ADAMTSL1: variants seen among roughly 807,000 people sequenced by gnomAD.
The protein encoded by ADAMTSL1 is ADAMTS like 1.
A neutral mutation model predicts 201.8 loss-of-function variants in ADAMTSL1; 126 were observed. The observed-to-expected ratio is 0.62, with a 90% CI of 0.54 to 0.72. The LOEUF is 0.72. ADAMTSL1 is among the 30% of genes least tolerant of loss of function. The pLI is 0.00. For missense variants in ADAMTSL1, 2,679 were observed against 2,277.8 expected (o/e 1.18, Z -3.59); for synonymous variants, 1,121 against 903.4 (o/e 1.24, Z -4.32).
intron 3 of ADAMTSL1, among the ~76,000 whole-genome samples, chr9:18,535,778 TGAAG>T (rs1424482678): frequency 1.3e-5 from 2 of 152,102 alleles, no homozygotes; most frequent in Non-Finnish European, 2.9e-5. Context: ...GAGAACTGAG[TGAAG>T]GGAGAAGCCC....
intron 1 of ADAMTSL1, among the ~76,000 whole-genome samples, chr9:17,956,620 C>G (rs10963360): frequency 0.26 from 39,430 of 151,932 alleles, 5,463 homozygotes; most frequent in Middle Eastern, 0.36. Flanking sequence ...TGCTCTCTCT[C>G]TTTCTTTGGA....
intron 2 of ADAMTSL1, among the ~76,000 whole-genome samples, chr9:18,509,737 C>T (rs1446353713): frequency 1.3e-5 from 2 of 152,230 alleles, no homozygotes; most frequent in African/African-American, 4.8e-5. Context: ...ATTGGCCAAA[C>T]TAAGCCATCC....
intron 19 of ADAMTSL1, among the ~76,000 whole-genome samples, chr9:18,792,506 C>G (rs1822124666): frequency 6.6e-6 from 1 of 152,182 alleles, no homozygotes; most frequent in African/African-American, 2.4e-5. Context: ...GCCAGGGAGC[C>G]AGCTACCCTA....
chr9:18,310,369 C>CAAAAAAAAAAAAAAAAAAAAACAAA (rs1834087417), intron 2 of ADAMTSL1, among the ~76,000 whole-genome samples: 1 of 35,270 alleles, frequency 2.8e-5, no homozygotes. Flanking sequence ...TTCTGCATAG[C>CAAAAAAAAAAAAAAAAAAAAACAAA]AAAAAAAAAA....
intron 2 of ADAMTSL1, among the ~76,000 whole-genome samples, chr9:18,464,375 T>A (rs1820922066): frequency 1.3e-5 from 2 of 152,260 alleles, no homozygotes; most frequent in African/African-American, 4.8e-5. Context: ...AATGAAATTG[T>A]AGTATTGTTA....
chr9:18,478,711 G>A (rs964870524), intron 1 of ADAMTSL1, among the ~76,000 whole-genome samples: 1 of 152,076 alleles, frequency 6.6e-6, no homozygotes. Flanking sequence ...TGACCTCTTC[G>A]TAGCATAAGG....
intron 1 of ADAMTSL1, among the ~76,000 whole-genome samples, chr9:18,106,309 A>T (rs1337946306): frequency 6.6e-6 from 1 of 152,230 alleles, no homozygotes; most frequent in Non-Finnish European, 1.5e-5. Context: ...TTGCTGGCCC[A>T]TGCTGTTTTG....
rs762304852 is a variant in ADAMTSL1 at position 18,826,481 on chromosome 9, G to A, written c.4114+18G>A. 2 of 1,604,056 alleles carry A rather than the reference G, an allele frequency of 1.2e-6. No individual in the cohort carries two copies. The highest frequency in any genetic ancestry group is 2.2e-5 in the South Asian group (2 of 89,134). ...GATCCTAGGTAAACACTTCAAAGCT[G>A]GCTGCCTCTGCTGCACCCTGTTGGG... On this transcript the variant is annotated intron_variant, in intron 22 of 28. Coordinates refer to ENST00000380548, the MANE Select transcript of ADAMTSL1 (RefSeq NM_001040272.6).
chr9:18,473,974 C>G (rs1464025393), upstream of ADAMTSL1: 12 of 443,812 alleles, frequency 2.7e-5, no homozygotes, highest in East Asian at 2.1e-4. Context: ...TACACTTTCT[C>G]TGTCCTCCTG....
chr9:18,231,083 C>A (rs894390537), intron 2 of ADAMTSL1, among the ~76,000 whole-genome samples: 1 of 152,150 alleles, frequency 6.6e-6, no homozygotes, highest in Non-Finnish European at 1.5e-5. Context: ...ATACCTCAGA[C>A]CAGCTCTACC....
chr9:17,974,082 G>T (rs1818334156), intron 1 of ADAMTSL1, among the ~76,000 whole-genome samples: 1 of 151,958 alleles, frequency 6.6e-6, no homozygotes, highest in Non-Finnish European at 1.5e-5. Flanking sequence ...ATTAGGTATT[G>T]ATGGGACGTA....
intron 1 of ADAMTSL1, among the ~76,000 whole-genome samples, chr9:18,138,246 AATT>A (rs75781489): frequency 0.029 from 4,385 of 152,174 alleles, 136 homozygotes; most frequent in East Asian, 0.11. Context: ...TATGTATTAT[AATT>A]ATTATACTTT....
intron 1 of ADAMTSL1, among the ~76,000 whole-genome samples, chr9:17,914,423 CAT>C: frequency 6.6e-6 from 1 of 152,294 alleles, no homozygotes; most frequent in African/African-American, 2.4e-5. Flanking sequence ...ACAAAAACCA[CAT>C]GATTATCTCA....
At chr9:18,185,055 G>T (rs1419342335) in intron 2 of ADAMTSL1, among the ~76,000 whole-genome samples, 5 of 152,070 alleles carry the variant, frequency 3.3e-5, no homozygotes, top group African/African-American at 9.7e-5. Context: ...CAGATTTTCA[G>T]ATTGGGGGTA....
At chr9:18,042,098 A>G (rs958001495) in intron 1 of ADAMTSL1, among the ~76,000 whole-genome samples, 12 of 150,382 alleles carry the variant, frequency 8.0e-5, no homozygotes, top group African/African-American at 2.7e-4. Flanking sequence ...TTGCTGGGAA[A>G]AAAAAAAAAA....
At chr9:18,236,855 A>G (rs1587371361) in intron 2 of ADAMTSL1, among the ~76,000 whole-genome samples, 1 of 152,232 alleles carries the variant, frequency 6.6e-6, no homozygotes, top group African/African-American at 2.4e-5. Context: ...AAATGTAATA[A>G]ATGTCTTATC....
At chr9:18,007,590 G>C (rs1465923732) in intron 1 of ADAMTSL1, among the ~76,000 whole-genome samples, 2 of 151,976 alleles carry the variant, frequency 1.3e-5, no homozygotes, top group Admixed American at 6.6e-5. Context: ...AGGTGGATTA[G>C]ATAAGCCCCA....
At chr9:18,750,306 G>A (rs950232871) in intron 15 of ADAMTSL1, among the ~76,000 whole-genome samples, 5 of 152,022 alleles carry the variant, frequency 3.3e-5, no homozygotes, top group African/African-American at 1.2e-4. Context: ...ACCCACCGAG[G>A]GTAACCAATG....
intron 17 of ADAMTSL1, among the ~76,000 whole-genome samples, chr9:18,771,384 C>G (rs1820679079): frequency 6.6e-6 from 1 of 152,224 alleles, no homozygotes; most frequent in South Asian, 2.1e-4. Flanking sequence ...CCGACTTTAT[C>G]TGCTAAGTTA....
Sources: allele counts gnomAD v4.1 joint callset (sites outside exome capture counted in the v4.1 genomes callset), GRCh38; gene constraint gnomAD v4.1.1; transcripts MANE v1.5; gene names NCBI Gene and HGNC (gene_info 2026-07-23, HGNC 2026-07-21).